TFDP2: variants seen among roughly 807,000 people sequenced by gnomAD.
TFDP2 encodes transcription factor Dp-2.
A neutral mutation model predicts 59.3 loss-of-function variants in TFDP2; 17 were observed. That is an observed-to-expected ratio of 0.29 (90% CI 0.20 to 0.43). TFDP2 has a LOEUF of 0.43. TFDP2 is among the 20% of genes least tolerant of loss of function. The pLI is 1.00. For synonymous variants in TFDP2, 180 were observed against 194.7 expected (o/e 0.92, Z 0.63); for missense variants, 391 against 528.8 (o/e 0.74, Z 2.56).
chr3:142,094,762 C>T (rs1409585546), intron 2 of TFDP2, among the ~76,000 whole-genome samples: 1 of 152,120 alleles, frequency 6.6e-6, no homozygotes, highest in East Asian at 1.9e-4. Flanking sequence ...GTCAAGCTGA[C>T]ATATCCATTA....
At chr3:141,958,755 G>A (rs1323225709) in intron 11 of TFDP2, among the ~76,000 whole-genome samples, 1 of 152,116 alleles carries the variant, frequency 6.6e-6, no homozygotes, top group African/African-American at 2.4e-5. Context: ...GTCAACTTGA[G>A]AAGTTTTACT....
chr3:142,025,581 T>A (rs1372368930), intron 3 of TFDP2, among the ~76,000 whole-genome samples: 1 of 152,234 alleles, frequency 6.6e-6, no homozygotes, highest in African/African-American at 2.4e-5. Flanking sequence ...AACTTTTTTT[T>A]AAGCCTGTCT....
At chr3:141,964,721 C>A (rs75243594) in intron 9 of TFDP2, among the ~76,000 whole-genome samples, 11,345 of 152,154 alleles carry the variant, frequency 0.075, 526 homozygotes, top group Non-Finnish European at 0.11. Context: ...TGCAGTGAGG[C>A]CAGGTCCTAA....
intron 1 of TFDP2, among the ~76,000 whole-genome samples, chr3:142,104,012 TGCATTA>T (rs1560147647): frequency 6.6e-6 from 1 of 152,182 alleles, no homozygotes; most frequent in East Asian, 1.9e-4. Context: ...AAGCTCCACA[TGCATTA>T]GCTATTTGTC....
At chr3:142,092,373 C>CTGGA (rs2061023780) in intron 3 of TFDP2, among the ~76,000 whole-genome samples, 2 of 152,124 alleles carry the variant, frequency 1.3e-5, no homozygotes, top group African/African-American at 2.4e-5. Context: ...GTCACCCAGG[C>CTGGA]TGGAGTACAG....
intron 4 of TFDP2, among the ~76,000 whole-genome samples, chr3:142,000,100 G>A (rs1377672945): frequency 1.3e-5 from 2 of 152,224 alleles, no homozygotes; most frequent in Non-Finnish European, 2.9e-5. Context: ...AGTTAGAGGA[G>A]AAGCGATAAA....
intron 4 of TFDP2, among the ~76,000 whole-genome samples, chr3:142,000,648 ACT>A (rs1943684856): frequency 2.0e-5 from 3 of 152,118 alleles, no homozygotes; most frequent in Admixed American, 6.6e-5. Flanking sequence ...TATGGGTAAG[ACT>A]CAAAGGTGCA....
At chr3:142,143,819 C>G (rs575038583) in intron 1 of TFDP2, among the ~76,000 whole-genome samples, 1 of 152,248 alleles carries the variant, frequency 6.6e-6, no homozygotes, top group East Asian at 1.9e-4. Context: ...TAAATTAGTA[C>G]AACCACTACA....
In TFDP2 at chr3:142,125,306, G is replaced by T. The variant is rs182985522; in HGVS notation, c.-92-23465C>A. 4.9e-3 allele frequency among the ~76,000 whole-genome samples: 751 copies of T among 152,294 alleles called. 5 individuals carry two copies. Among genetic ancestry groups the T allele is most frequent in the Non-Finnish European group, 8.3e-3 (564 of 68,030 alleles). On this transcript the variant is annotated intron_variant, in intron 1 of 12. Transcript: ENST00000489671. ...GTAAAATAAGGTTTCAAGACAAGAT[G>T]AAAAGACTGATACCAATACATTGTC...
At position 142,008,330 on chromosome 3, in the gene TFDP2, G is replaced by C. The variant is rs114173025; in HGVS notation, c.83-2786C>G. ...GTCTTTCAACTGGCAAAACTGTTCT[G>C]AACACTCCCCTAATAATGGTTTTTA... On this transcript the variant is annotated intron_variant, in intron 3 of 12. Coordinates refer to ENST00000489671, the MANE Select transcript of TFDP2 (RefSeq NM_001178139.2). 3.8e-3 allele frequency among the ~76,000 whole-genome samples: 581 copies of C among 151,636 alleles called. 9 individuals carry two copies. The highest frequency in any genetic ancestry group is 0.013 in the African/African-American group (555 of 41,342).
chr3:141,969,623 C>T (rs1057284249), intron 9 of TFDP2, among the ~76,000 whole-genome samples: 2 of 151,910 alleles, frequency 1.3e-5, no homozygotes, highest in Admixed American at 1.3e-4. Context: ...AAAACAACAA[C>T]AACAAAAATC....
At chr3:142,037,633 T>TG (rs1248402079) in intron 3 of TFDP2, among the ~76,000 whole-genome samples, 3 of 152,064 alleles carry the variant, frequency 2.0e-5, no homozygotes, top group Non-Finnish European at 4.4e-5. Context: ...AATGGTTTTG[T>TG]GGGGGGAAAA....
Position 141,963,902 on chromosome 3 carries a change from G to A in TFDP2, c.794C>T (p.Pro265Leu), listed in dbSNP as rs748970266. 23 of 1,613,300 alleles carry A rather than the reference G, an allele frequency of 1.4e-5. No homozygotes were observed. Among genetic ancestry groups the A allele is most frequent in the East Asian group, 2.2e-5 (1 of 44,816 alleles). The part of the protein sequence containing the change: ...NRQNEQQNQG[P>L]PALNSTIQLP... The stretch of plus-strand genomic sequence containing the variant: ...CTGAATGGTAGAGTTCAGAGCCGGC[G>A]GGCCCTGGTTTTGCTGCTCATTTTG... The change falls in exon 10 of 13, where the codon CCG becomes CTG. Residue 265 changes from proline (P) to leucine (L), a missense_variant. Pro to Leu is a moderately conservative substitution (Grantham distance 98). Around this residue, in one of 3 missense-constraint regions of TFDP2, gnomAD observed 223 missense variants for 292.5 expected, o/e 0.76. Transcript: ENST00000489671.
intron 4 of TFDP2, among the ~76,000 whole-genome samples, chr3:141,998,912 G>GC (rs1157210903): frequency 6.6e-6 from 1 of 151,940 alleles, no homozygotes; most frequent in Non-Finnish European, 1.5e-5. Flanking sequence ...GTATTCTAAA[G>GC]GGAAAAAAAA....
intron 9 of TFDP2, among the ~76,000 whole-genome samples, chr3:141,966,729 A>T (rs1196627253): frequency 6.6e-6 from 1 of 151,656 alleles, no homozygotes; most frequent in African/African-American, 2.4e-5. Flanking sequence ...TTATAGAGAT[A>T]AAAGTAGGAT....
chr3:142,115,726 T>G (rs756782364), intron 1 of TFDP2, among the ~76,000 whole-genome samples: 2 of 152,206 alleles, frequency 1.3e-5, no homozygotes, highest in Non-Finnish European at 2.9e-5. Context: ...TATGATGTTG[T>G]TTTTTTCATT....
intron 9 of TFDP2, among the ~76,000 whole-genome samples, chr3:141,964,286 C>A (rs1042281986): frequency 2.0e-5 from 3 of 152,020 alleles, no homozygotes; most frequent in African/African-American, 7.2e-5. Flanking sequence ...TCAAATATGC[C>A]CCCAAACTTT....
chr3:142,012,891 C>T (rs1944833637), intron 3 of TFDP2, among the ~76,000 whole-genome samples: 1 of 152,138 alleles, frequency 6.6e-6, no homozygotes, highest in Admixed American at 6.6e-5. Flanking sequence ...GTAATCCCAG[C>T]ACTTTGGGAG....
intron 3 of TFDP2, among the ~76,000 whole-genome samples, chr3:142,086,408 A>G (rs2108598331): frequency 6.6e-6 from 1 of 152,340 alleles, no homozygotes; most frequent in African/African-American, 2.4e-5. Context: ...GCTTCTGACC[A>G]ACCAGCTATA....
Sources: allele counts gnomAD v4.1 joint callset (sites outside exome capture counted in the v4.1 genomes callset), GRCh38; gene constraint gnomAD v4.1.1; regional missense constraint gnomAD v4.1.1; transcripts MANE v1.5; gene names NCBI Gene and HGNC (gene_info 2026-07-23, HGNC 2026-07-21).